The following SIM2 variants were observed in gnomAD, a reference collection of about 807,000 sequenced individuals.
SIM2 encodes single-minded homolog 2.
In SIM2, 28 loss-of-function variants were observed where a neutral mutation model predicts 64.8. The ratio of observed to expected loss-of-function variants is 0.43; its 90% CI spans 0.32 to 0.59. The LOEUF (loss-of-function observed/expected upper bound fraction) is 0.59. Ranked by LOEUF, SIM2 falls within the 20% of genes least tolerant of loss-of-function variation. SIM2 has a pLI of 0.07. For missense variants in SIM2, 847 were observed against 871.4 expected, an observed-to-expected ratio of 0.97 and a Z score of 0.35; for synonymous variants, 408 against 391.1, an observed-to-expected ratio of 1.04 and a Z score of -0.51.
At position 36,703,666 on chromosome 21, in the gene SIM2, G is replaced by A. The variant is rs1469603102; in HGVS notation, c.175+3745G>A. On this transcript the variant is annotated intron_variant, in intron 1 of 10. Transcript: ENST00000290399. ...CACGGCTGACTTTGGACATGGGCTC[G>A]AAATTGATAACTTGATGAGTCTTGG... Among the ~76,000 whole-genome samples the A allele has an allele frequency of 5.9e-5, 9 of 152,354 alleles. No individual in the cohort carries two copies. In the South Asian group the frequency reaches 6.2e-4, roughly 11 times the overall value.
rs139778934 is a variant in SIM2 at position 36,723,103 on chromosome 21, C to A, written c.516C>A (p.Asn172Lys). Residue 172 changes from asparagine (N) to lysine (K), a missense_variant, in exon 5 of 11, where the codon AAC (asparagine) becomes AAA (lysine). This residue lies in a region of SIM2 where 397 missense variants were observed against 439.2 expected (regional missense o/e 0.90). Coordinates refer to ENST00000290399, the MANE Select transcript of SIM2 (RefSeq NM_005069.6). ...TGAAATGTGTCTTGGCGAAAAGGAA[C>A]GCGGGCCTGACCTGCAGCGGATACA... is the stretch of plus-strand genomic sequence containing the variant. ...LRMKCVLAKR[N>K]AGLTCSGYKV... 1.2e-6 allele frequency: 2 copies of A among 1,614,086 alleles called. No homozygotes were observed. Among genetic ancestry groups the A allele is most frequent in the Non-Finnish European group, 1.7e-6 (2 of 1,179,992 alleles).
chr21:36,711,058 T>C (rs1366676932), intron 2 of SIM2, among the ~76,000 whole-genome samples: 2 of 152,238 alleles, frequency 1.3e-5, no homozygotes, highest in Non-Finnish European at 2.9e-5. Context: ...ACGGGCGTCT[T>C]TGCAGTTATT....
chr21:36,739,077 ACCT>A (rs71326700), intron 7 of SIM2, among the ~76,000 whole-genome samples: 47,953 of 151,994 alleles, frequency 0.32, 9,045 homozygotes, highest in Non-Finnish European at 0.43. Context: ...TTCTGGTTAA[ACCT>A]CCTCCTCGTT....
chr21:36,731,163 G>A lies in SIM2; in HGVS notation c.850+12G>A, dbSNP rs756792453. On this transcript the variant is annotated intron_variant, in intron 7 of 10. Coordinates refer to ENST00000290399, the MANE Select transcript of SIM2 (RefSeq NM_005069.6). ...CGCACACCACCTCCGTGAGTAGCAC[G>A]CCCACCCCAGCCACGGGAGGTAGCT... 9.4e-6 allele frequency: 15 copies of A among 1,602,808 alleles called. No individual in the cohort carries two copies. In the East Asian group the frequency reaches 1.3e-4, roughly 14 times the overall value.
chr21:36,727,009 T>A (rs1198529908), intron 6 of SIM2, among the ~76,000 whole-genome samples: 1 of 152,138 alleles, frequency 6.6e-6, no homozygotes, highest in African/African-American at 2.4e-5. Context: ...AAAGTCTGAG[T>A]TTTTTAAAAT....
At chr21:36,730,679 C>T (rs974346502) in intron 6 of SIM2, among the ~76,000 whole-genome samples, 1 of 152,182 alleles carries the variant, frequency 6.6e-6, no homozygotes, top group Admixed American at 6.5e-5. Flanking sequence ...ACCGTCCCCC[C>T]GAAGCCCTCC....
At chr21:36,702,789 G>A (rs762556074) in intron 1 of SIM2, among the ~76,000 whole-genome samples, 12 of 151,968 alleles carry the variant, frequency 7.9e-5, no homozygotes, top group Admixed American at 2.0e-4. Flanking sequence ...GGGTGGTCCC[G>A]GGCTGTGGCA....
rs370999217 is a variant in SIM2 at position 36,708,936 on chromosome 21, C to T, written c.176-232C>T. Among the ~76,000 whole-genome samples, 13 of 152,304 alleles carry T rather than the reference C, an allele frequency of 8.5e-5. 1 individual carries two copies. Among genetic ancestry groups the T allele is most frequent in the East Asian group, 3.9e-4 (2 of 5,150 alleles). ...GGCCTGGCAGGCTCGCACAGGCGCC[C>T]GGGCTGCCGGCCGCTGCGGGGATTT... On this transcript the variant is annotated intron_variant, in intron 1 of 10. Transcript: ENST00000290399.
intron 1 of SIM2, among the ~76,000 whole-genome samples, chr21:36,703,297 A>G (rs1446457391): frequency 6.6e-6 from 1 of 152,194 alleles, no homozygotes; most frequent in African/African-American, 2.4e-5. Flanking sequence ...CAACATTTAC[A>G]GCGAGGTTTG....
intron 1 of SIM2, among the ~76,000 whole-genome samples, 197 bp from the exon 2 acceptor site, chr21:36,708,971 C>A (rs1002956206): frequency 6.6e-6 from 1 of 152,062 alleles, no homozygotes; most frequent in Non-Finnish European, 1.5e-5. Flanking sequence ...TCTCCCCCAG[C>A]CTTTTCTTTT....
chr21:36,713,410 C>T (rs754984425), intron 3 of SIM2, among the ~76,000 whole-genome samples: 18 of 152,156 alleles, frequency 1.2e-4, no homozygotes, highest in African/African-American at 4.3e-4. Flanking sequence ...TGTAACTGAT[C>T]ATTCTCATTC....
intron 4 of SIM2, 199 bp downstream of exon 4, chr21:36,720,128 A>G: frequency 1.7e-6 from 1 of 573,414 alleles, no homozygotes; most frequent in Non-Finnish European, 3.1e-6. Context: ...GCCAATATTC[A>G]TCAAGCTCCT....
chr21:36,719,525 C>T (rs2088793838), intron 3 of SIM2, among the ~76,000 whole-genome samples: 1 of 152,254 alleles, frequency 6.6e-6, no homozygotes, highest in Non-Finnish European at 1.5e-5. Context: ...GCGCCGCCCA[C>T]CTCTGGTGCC....
At position 36,704,921 on chromosome 21, in the gene SIM2, G is replaced by A. The variant is rs373513977; in HGVS notation, c.176-4247G>A. On this transcript the variant is annotated intron_variant, in intron 1 of 10. Coordinates refer to ENST00000290399, the MANE Select transcript of SIM2 (RefSeq NM_005069.6). ...TCAGGGACCCCGGGGAGAACACGAG[G>A]GCTCCGACGCGGGAGAAGGATTGAA... Among the ~76,000 whole-genome samples, 12 of 152,362 alleles carry A rather than the reference G, an allele frequency of 7.9e-5. 1 individual carries two copies. The highest frequency in any genetic ancestry group is 3.9e-4 in the East Asian group (2 of 5,184).
chr21:36,700,444 G>A (rs146324650), intron 1 of SIM2, among the ~76,000 whole-genome samples: 71 of 143,120 alleles, frequency 5.0e-4, no homozygotes, highest in African/African-American at 1.8e-3. Flanking sequence ...TTCCTTTTCT[G>A]CTTTCCTTCC....
chr21:36,744,979 TG>T lies in SIM2; in HGVS notation c.1420del (p.Glu474ArgfsTer7). On this transcript the variant is annotated frameshift_variant, in exon 10 of 11. Transcript: ENST00000290399. LOFTEE classifies it high-confidence loss of function. Reference sequence around the variant, plus strand: ...TCGGGCAGCCCCAAGGATCCCCTTGTGAGGTGGCACGCTTTTTCCTGAGCAC... The same window carrying T: ...TCGGGCAGCCCCAAGGATCCCCTTGTAGGTGGCACGCTTTTTCCTGAGCAC... ...KFGQPQGSPCEVARFFLSTLP... is the reference protein window; with the variant it reads ...KFGQPQGSPCXVARFFLSTLP... 6.2e-7 allele frequency: 1 copy of T among 1,614,242 alleles called. No homozygotes were observed. The highest frequency in any genetic ancestry group is 8.5e-7 in the Non-Finnish European group (1 of 1,180,042).
Position 36,745,730 on chromosome 21 carries a change from G to A in SIM2, c.1576+594G>A, listed in dbSNP as rs1340860563. ...ACTCCCAAGGACACGACACACAGTA[G>A]GGACCTGCCCTGTACATGCTAGTTC... On this transcript the variant is annotated intron_variant, in intron 10 of 10. Coordinates refer to ENST00000290399, the MANE Select transcript of SIM2 (RefSeq NM_005069.6). The surrounding 1 kb of genome is among the most constrained non-coding windows in gnomAD (Gnocchi z 4.8). 7.8e-7 allele frequency: 1 copy of A among 1,282,022 alleles called. No homozygotes were observed. Among genetic ancestry groups the A allele is most frequent in the African/African-American group, 1.5e-5 (1 of 65,538 alleles). 79.4% of individuals were successfully genotyped at this position (1,282,022 alleles called of 1,614,324 possible). A position where few individuals can be genotyped will look rare whatever the true frequency, so the allele number is the denominator to read the frequency against.
chr21:36,720,730 G>T (rs912874973), intron 4 of SIM2: 4 of 152,210 alleles, frequency 2.6e-5, no homozygotes, highest in African/African-American at 9.6e-5. Context: ...TCATTAAGAA[G>T]CCCTGGTCAT....
chr21:36,700,304 C>G (rs2088472486), intron 1 of SIM2, among the ~76,000 whole-genome samples: 1 of 148,606 alleles, frequency 6.7e-6, no homozygotes, highest in Non-Finnish European at 1.5e-5. Flanking sequence ...TCTTTCCTTT[C>G]TTTCTTTCTT....
Sources: allele counts gnomAD v4.1 joint callset (sites outside exome capture counted in the v4.1 genomes callset), GRCh38; gene constraint gnomAD v4.1.1; regional missense constraint gnomAD v4.1.1; non-coding constraint Gnocchi (gnomAD v3.1); transcripts MANE v1.5; gene names NCBI Gene and HGNC (gene_info 2026-07-23, HGNC 2026-07-21).